Variants in EHD1 observed in about 807,000 individuals in gnomAD.
EHD1 encodes EH domain containing 1, also known as EH domain-containing protein 1.
In EHD1, 19 loss-of-function variants were observed where a neutral mutation model predicts 39.0. The observed-to-expected ratio is 0.49, with a 90% CI of 0.34 to 0.72. EHD1 has a LOEUF of 0.72. Ranked by LOEUF, EHD1 falls within the 30% of genes least tolerant of loss-of-function variation. The probability of loss-of-function intolerance (pLI) is 0.01; values close to 1 mark genes in which losing one functional copy is unlikely to be tolerated. For synonymous variants in EHD1, 323 were observed against 331.2 expected, an observed-to-expected ratio of 0.98 and a Z score of 0.27; for missense variants, 542 against 751.5, an observed-to-expected ratio of 0.72 and a Z score of 3.26.
chr11:64,866,007 G>GC (rs1478143663), intron 2 of EHD1, among the ~76,000 whole-genome samples: 1 of 152,130 alleles, frequency 6.6e-6, no homozygotes, highest in East Asian at 1.9e-4. Flanking sequence ...ACATTACTGG[G>GC]CATAAACCCT....
rs1440060461 is a variant in EHD1 at position 64,855,002 on chromosome 11, T to C, written c.1081-145A>G. The C allele has an allele frequency of 1.0e-5, 11 of 1,090,022 alleles. No homozygotes were observed. The East Asian group carries it at 2.4e-4, about 24-fold the overall frequency. 67.5% of individuals were successfully genotyped at this position (1,090,022 alleles called of 1,614,324 possible). A position where few individuals can be genotyped will look rare whatever the true frequency, so the allele number is the denominator to read the frequency against. Reference sequence around the variant, plus strand: ...CGACTCGGCAAAACCATCTGGCCCTTGGCTCTCTAACCTGTACACAGGAGG... The same window carrying C: ...CGACTCGGCAAAACCATCTGGCCCTCGGCTCTCTAACCTGTACACAGGAGG... On this transcript the variant is annotated intron_variant, in intron 4 of 4. Coordinates refer to ENST00000320631, the MANE Select transcript of EHD1 (RefSeq NM_006795.4).
chr11:64,867,158 C>G (rs1277396956), intron 2 of EHD1, among the ~76,000 whole-genome samples: 1 of 152,202 alleles, frequency 6.6e-6, no homozygotes, highest in Non-Finnish European at 1.5e-5. Context: ...GTGGCTCACA[C>G]CTGTAATCCC....
chr11:64,854,881 A>C (rs1161478447), intron 4 of EHD1, 24 bp from the exon 5 acceptor site: 1 of 1,587,902 alleles, frequency 6.3e-7, no homozygotes, highest in Non-Finnish European at 8.5e-7. Context: ...AGGAAGGACA[A>C]GGGCTGGGAA....
intron 2 of EHD1, among the ~76,000 whole-genome samples, chr11:64,862,213 CTCTAT>C (rs1160901503): frequency 1.3e-5 from 2 of 152,330 alleles, no homozygotes; most frequent in African/African-American, 4.8e-5. Context: ...GGATTCTAAA[CTCTAT>C]TCTATATTGC....
intron 2 of EHD1, among the ~76,000 whole-genome samples, chr11:64,871,712 C>T (rs1247554134): frequency 5.9e-5 from 9 of 152,166 alleles, no homozygotes; most frequent in African/African-American, 1.9e-4. Context: ...GTAGAGATGA[C>T]CTTCTGTGGA....
At chr11:64,878,881 T>G (rs1943923006), upstream of EHD1, 2 of 1,055,762 alleles carry the variant, frequency 1.9e-6, no homozygotes, top group Non-Finnish European at 2.3e-6. Flanking sequence ...AGTGCTGCGG[T>G]TAGGAAGGCG....
chr11:64,872,568 A>G (rs1943841313), intron 2 of EHD1, among the ~76,000 whole-genome samples: 1 of 152,010 alleles, frequency 6.6e-6, no homozygotes, highest in African/African-American at 2.4e-5. Flanking sequence ...CAACAATAGC[A>G]GTAAGAAATA....
At chr11:64,878,914 C>T (rs935057405), upstream of EHD1, 1 of 1,027,862 alleles carries the variant, frequency 9.7e-7, no homozygotes. Context: ...TCGGCGGAGA[C>T]GGCCTCTGGG....
At chr11:64,855,621 A>C in intron 3 of EHD1, 135 bp from the exon 4 acceptor site, 12 of 1,338,208 alleles carry the variant, frequency 9.0e-6, no homozygotes, top group Non-Finnish European at 1.1e-5. Context: ...GGTCAAGCTC[A>C]AGGCCGCTAC....
intron 1 of EHD1, among the ~76,000 whole-genome samples, chr11:64,874,845 G>A (rs1269624235): frequency 2.6e-5 from 4 of 152,228 alleles, no homozygotes; most frequent in East Asian, 1.9e-4. Context: ...CATTCAGTTC[G>A]GAGGGGAAGC....
upstream of EHD1, chr11:64,878,880 G>A (rs1943922972): frequency 1.9e-6 from 2 of 1,060,948 alleles, no homozygotes; most frequent in Non-Finnish European, 2.3e-6. Flanking sequence ...AAGTGCTGCG[G>A]TTAGGAAGGC....
chr11:64,860,383 G>A, intron 2 of EHD1, 47 bp from the exon 3 acceptor site: 2 of 1,562,060 alleles, frequency 1.3e-6, no homozygotes, highest in South Asian at 2.4e-5. Context: ...GGGACCTGCT[G>A]CTCTGATGGC....
Position 64,878,307 on chromosome 11 carries a change from G to C in EHD1, c.158C>G (p.Ala53Gly). The C allele has an allele frequency of 6.2e-7, 1 of 1,614,204 alleles. No homozygotes were observed. ...HEFHSPALED[A>G]DFDNKPMVLL... ...CACCATAGGCTTGTTGTCGAAGTCA[G>C]CGTCCTCCAGCGCGGGCGAGTGGAA... Residue 53 changes from alanine (A) to glycine (G), a missense_variant, in exon 1 of 5, where the codon GCT becomes GGT. Coordinates refer to ENST00000320631, the MANE Select transcript of EHD1 (RefSeq NM_006795.4).
At chr11:64,870,648 G>C (rs1029731730) in intron 2 of EHD1, among the ~76,000 whole-genome samples, 2 of 152,248 alleles carry the variant, frequency 1.3e-5, no homozygotes, top group African/African-American at 4.8e-5. Flanking sequence ...TGACCATGGT[G>C]GGGAACGAAC....
rs965822952 is a variant in EHD1, at chr11:64,853,649, T to C, written c.*684A>G. 4 of 153,644 alleles carry C rather than the reference T, an allele frequency of 2.6e-5. No individual in the cohort carries two copies. Among genetic ancestry groups the C allele is most frequent in the African/African-American group, 9.6e-5 (4 of 41,466 alleles). 9.5% of individuals were successfully genotyped at this position (153,644 alleles called of 1,614,324 possible). A position where few individuals can be genotyped will look rare whatever the true frequency, so the allele number is the denominator to read the frequency against. On this transcript the variant is annotated 3_prime_UTR_variant, in exon 5 of 5. Transcript: ENST00000320631. The stretch of plus-strand genomic sequence containing the variant: ...ACTTTACAGAACAGAAACTAGCTTA[T>C]GTATTTTTCTGGAAGACATTCTCCT...
chr11:64,879,274 C>T (rs968990370), upstream of EHD1: 8 of 996,426 alleles, frequency 8.0e-6, no homozygotes, highest in African/African-American at 1.2e-4. Context: ...CCTGACCTCC[C>T]CTCAGGCCGA....
intron 1 of EHD1, chr11:64,877,845 A>C (rs1943901598): frequency 2.3e-6 from 1 of 428,042 alleles, no homozygotes. Flanking sequence ...TCTGGGGAGG[A>C]CAGAAGCTGG....
At chr11:64,865,540 A>G (rs1943758770) in intron 2 of EHD1, among the ~76,000 whole-genome samples, 1 of 152,212 alleles carries the variant, frequency 6.6e-6, no homozygotes, top group African/African-American at 2.4e-5. Flanking sequence ...CACAGAAAAC[A>G]TGGCCCAAGC....
chr11:64,860,877 C>T (rs192687468), intron 2 of EHD1, among the ~76,000 whole-genome samples: 1 of 151,784 alleles, frequency 6.6e-6, no homozygotes, highest in African/African-American at 2.4e-5. Flanking sequence ...AAAATTAGCC[C>T]GGCATGGTGG....
Sources: gnomAD v4.1 joint callset for allele counts (sites outside exome capture counted in the v4.1 genomes callset) on GRCh38, gnomAD v4.1.1 for gene constraint, MANE v1.5 for transcripts, NCBI Gene and HGNC (gene_info 2026-07-23, HGNC 2026-07-21) for gene names.